The following SH3GL2 variants were observed in gnomAD, a reference collection of about 807,000 sequenced individuals.
SH3GL2 encodes endophilin-A1.
SH3GL2 carries 24 observed loss-of-function variants against 46.0 expected under a neutral mutation model. The ratio of observed to expected loss-of-function variants is 0.52; its 90% CI spans 0.38 to 0.73. The LOEUF (loss-of-function observed/expected upper bound fraction) is 0.73. Ranked by LOEUF, SH3GL2 falls within the 30% of genes least tolerant of loss-of-function variation. The pLI, the probability that SH3GL2 is intolerant of heterozygous loss-of-function variation, is 0.00. For missense variants in SH3GL2, 413 were observed against 424.2 expected (o/e 0.97, Z 0.23); for synonymous variants, 196 against 147.1 (o/e 1.33, Z -2.40).
intron 1 of SH3GL2, among the ~76,000 whole-genome samples, chr9:17,660,470 T>C (rs1331922734): frequency 1.3e-5 from 2 of 152,204 alleles, no homozygotes; most frequent in Non-Finnish European, 2.9e-5. Flanking sequence ...TAAATGAATG[T>C]TTTGGTTGAA....
At chr9:17,684,969 A>G (rs997775606) in intron 1 of SH3GL2, among the ~76,000 whole-genome samples, 1 of 152,174 alleles carries the variant, frequency 6.6e-6, no homozygotes, top group Non-Finnish European at 1.5e-5. Context: ...ACTGCGATAA[A>G]TAAGCAGTGT....
intron 1 of SH3GL2, among the ~76,000 whole-genome samples, chr9:17,705,878 A>G (rs1269711304): frequency 1.3e-5 from 2 of 151,946 alleles, no homozygotes; most frequent in Non-Finnish European, 2.9e-5. Context: ...GTAACAAAAT[A>G]CACCAAATGC....
At chr9:17,711,826 A>G (rs569140866) in intron 1 of SH3GL2, among the ~76,000 whole-genome samples, 13 of 151,916 alleles carry the variant, frequency 8.6e-5, no homozygotes, top group African/African-American at 2.9e-4. Context: ...TTTAGGGTAA[A>G]TCTAAGAATG....
In SH3GL2 at chr9:17,654,942, G is replaced by A. The variant is rs151019042; in HGVS notation, c.45+75655G>A. Reference sequence around the variant, plus strand: ...GCTCCTCCTGGAGGATGTGATGGGAGCTGTGCAGTGAGATTAAATAGGTAC... The same window carrying A: ...GCTCCTCCTGGAGGATGTGATGGGAACTGTGCAGTGAGATTAAATAGGTAC... On this transcript the variant is annotated intron_variant, in intron 1 of 8. Coordinates refer to ENST00000380607, the MANE Select transcript of SH3GL2 (RefSeq NM_003026.5). 2.5e-3 allele frequency among the ~76,000 whole-genome samples: 381 copies of A among 152,322 alleles called. 1 individual carries two copies. The highest frequency in any genetic ancestry group is 8.7e-3 in the African/African-American group (363 of 41,578).
chr9:17,743,655 A>G (rs1294394201), intron 1 of SH3GL2, among the ~76,000 whole-genome samples: 1 of 151,648 alleles, frequency 6.6e-6, no homozygotes, highest in East Asian at 1.9e-4. Context: ...TGTTATCAAG[A>G]CTAGTTCTGA....
chr9:17,763,269 G>C (rs577162436), intron 3 of SH3GL2, among the ~76,000 whole-genome samples: 2 of 152,238 alleles, frequency 1.3e-5, no homozygotes, highest in South Asian at 4.2e-4. Context: ...AGGTGTGGTG[G>C]GTTGCATTGT....
chr9:17,707,500 T>C (rs1821501422), intron 1 of SH3GL2, among the ~76,000 whole-genome samples: 1 of 152,040 alleles, frequency 6.6e-6, no homozygotes, highest in Non-Finnish European at 1.5e-5. Context: ...TTCTCTGTGA[T>C]CTACCTGTAT....
At chr9:17,668,779 C>A (rs905042529) in intron 1 of SH3GL2, among the ~76,000 whole-genome samples, 2 of 152,144 alleles carry the variant, frequency 1.3e-5, no homozygotes, top group African/African-American at 4.8e-5. Context: ...ACCTCAGCCT[C>A]CTGAGTAGCC....
At chr9:17,703,599 T>A (rs1821391501) in intron 1 of SH3GL2, among the ~76,000 whole-genome samples, 1 of 152,048 alleles carries the variant, frequency 6.6e-6, no homozygotes, top group Non-Finnish European at 1.5e-5. Context: ...AAAAAGCTAA[T>A]CCACTATGAT....
chr9:17,707,270 A>G (rs1021877026), intron 1 of SH3GL2, among the ~76,000 whole-genome samples: 3 of 152,002 alleles, frequency 2.0e-5, no homozygotes, highest in African/African-American at 7.2e-5. Flanking sequence ...ATCACATCTG[A>G]GCTGAAATAT....
chr9:17,645,034 T>C (rs1362277712), intron 1 of SH3GL2, among the ~76,000 whole-genome samples: 1 of 152,152 alleles, frequency 6.6e-6, no homozygotes, highest in Non-Finnish European at 1.5e-5. Context: ...ATATTTAGGA[T>C]AGTTAGCTCT....
intron 1 of SH3GL2, among the ~76,000 whole-genome samples, chr9:17,743,408 C>G (rs1484414400): frequency 6.8e-6 from 1 of 146,670 alleles, no homozygotes; most frequent in African/African-American, 2.6e-5. Context: ...CAGTACATAA[C>G]TGCTAATAAC....
intron 2 of SH3GL2, among the ~76,000 whole-genome samples, chr9:17,758,168 G>A (rs1823056019): frequency 6.6e-6 from 1 of 152,072 alleles, no homozygotes; most frequent in African/African-American, 2.4e-5. Context: ...CCTTCTCTAG[G>A]CCACAGGTGT....
At chr9:17,632,770 C>G (rs1819461281) in intron 1 of SH3GL2, among the ~76,000 whole-genome samples, 2 of 152,178 alleles carry the variant, frequency 1.3e-5, no homozygotes. Context: ...GTTCTTAACA[C>G]ATCCCGAAGA....
chr9:17,744,213 C>A (rs1822615814), intron 1 of SH3GL2, among the ~76,000 whole-genome samples: 1 of 152,138 alleles, frequency 6.6e-6, no homozygotes, highest in Non-Finnish European at 1.5e-5. Flanking sequence ...TGAGCCAGAA[C>A]TGTTGTCACT....
chr9:17,646,751 A>C (rs1306415247), intron 1 of SH3GL2, among the ~76,000 whole-genome samples: 3 of 152,144 alleles, frequency 2.0e-5, no homozygotes, highest in South Asian at 4.1e-4. Flanking sequence ...TGGAAGCTTC[A>C]TCCCACAGGG....
chr9:17,723,856 C>G (rs1169610811), intron 1 of SH3GL2, among the ~76,000 whole-genome samples: 1 of 152,012 alleles, frequency 6.6e-6, no homozygotes, highest in Non-Finnish European at 1.5e-5. Context: ...GATAAGAAGT[C>G]ATCTGTTCAT....
chr9:17,709,125 T>C (rs775790616), intron 1 of SH3GL2, among the ~76,000 whole-genome samples: 1 of 152,102 alleles, frequency 6.6e-6, no homozygotes, highest in Non-Finnish European at 1.5e-5. Context: ...CCAGAGGTTC[T>C]GCTGATCTAT....
intron 3 of SH3GL2, among the ~76,000 whole-genome samples, chr9:17,778,251 C>G (rs1439006458): frequency 6.6e-6 from 1 of 152,088 alleles, no homozygotes; most frequent in East Asian, 1.9e-4. Context: ...CAGTTATCTT[C>G]CACGTTTACT....
Sources: allele counts gnomAD v4.1 joint callset (sites outside exome capture counted in the v4.1 genomes callset), GRCh38; gene constraint gnomAD v4.1.1; transcripts MANE v1.5; gene names NCBI Gene and HGNC (gene_info 2026-07-23, HGNC 2026-07-21).